Variants in FHOD3 observed in about 807,000 individuals in gnomAD.
FHOD3 encodes the protein FH1/FH2 domain-containing protein 3.
FHOD3 carries 90 observed loss-of-function variants against 173.0 expected under a neutral mutation model. That is an observed-to-expected ratio of 0.52 (90% CI 0.44 to 0.62). The LOEUF (loss-of-function observed/expected upper bound fraction) is 0.62. FHOD3 is among the 20% of genes least tolerant of loss of function. The pLI is 0.00. For missense variants in FHOD3, 1,945 were observed against 2,034.7 expected (o/e 0.96, Z 0.85); for synonymous variants, 828 against 823.0 (o/e 1.01, Z -0.10).
intron 1 of FHOD3, among the ~76,000 whole-genome samples, chr18:36,322,855 A>AGGAGTGG (rs2044470696): frequency 6.6e-6 from 1 of 151,764 alleles, no homozygotes; most frequent in African/African-American, 2.4e-5. Flanking sequence ...GCATTAATTC[A>AGGAGTGG]CTCACTCATT....
At chr18:36,618,174 A>G (rs1481149972) in intron 9 of FHOD3, among the ~76,000 whole-genome samples, 1 of 151,382 alleles carries the variant, frequency 6.6e-6, no homozygotes, top group Non-Finnish European at 1.5e-5. Flanking sequence ...TATTATCTTT[A>G]TAAATCCCTT....
chr18:36,599,097 G>A (rs1460624084), intron 7 of FHOD3, among the ~76,000 whole-genome samples: 3 of 152,164 alleles, frequency 2.0e-5, no homozygotes, highest in Non-Finnish European at 4.4e-5. Flanking sequence ...TTGCCATATT[G>A]GAGACTCCCT....
intron 1 of FHOD3, among the ~76,000 whole-genome samples, chr18:36,332,008 G>A (rs2045041889): frequency 6.6e-6 from 1 of 152,212 alleles, no homozygotes; most frequent in Non-Finnish European, 1.5e-5. Context: ...CCTTCTGGGT[G>A]TAAGGCTGAG....
intron 28 of FHOD3, among the ~76,000 whole-genome samples, chr18:36,772,136 A>G (rs2043413568): frequency 6.6e-6 from 1 of 152,198 alleles, no homozygotes; most frequent in Non-Finnish European, 1.5e-5. Flanking sequence ...AAACAGTCAT[A>G]TATTCTTTTT....
chr18:36,740,350 G>A (rs1205562733), intron 20 of FHOD3, among the ~76,000 whole-genome samples: 1 of 152,156 alleles, frequency 6.6e-6, no homozygotes, highest in Non-Finnish European at 1.5e-5. Flanking sequence ...GTGCTACAAA[G>A]CATATCTTTT....
At chr18:36,372,598 A>T in intron 2 of FHOD3, 82 bp from the exon 3 acceptor site, 1 of 1,190,576 alleles carries the variant, frequency 8.4e-7, no homozygotes, top group Non-Finnish European at 1.2e-6. Flanking sequence ...TGGGTATGTC[A>T]GAACCTTCAC....
chr18:36,331,309 G>A (rs1016797641), intron 1 of FHOD3, among the ~76,000 whole-genome samples: 1 of 152,182 alleles, frequency 6.6e-6, no homozygotes, highest in Admixed American at 6.5e-5. Context: ...AAAAGAACTG[G>A]ATTGCCAGAA....
At chr18:36,349,200 C>T (rs377372568) in intron 1 of FHOD3, among the ~76,000 whole-genome samples, 4 of 152,228 alleles carry the variant, frequency 2.6e-5, no homozygotes, top group African/African-American at 7.2e-5. Context: ...CAGCCAGGCC[C>T]GAGTCTTTCA....
intron 1 of FHOD3, among the ~76,000 whole-genome samples, chr18:36,306,217 A>C (rs2092092966): frequency 1.3e-5 from 2 of 152,226 alleles, no homozygotes; most frequent in South Asian, 4.1e-4. Flanking sequence ...GGACATTTGC[A>C]GTGTCCAAGT....
chr18:36,660,079 A>G (rs975500664), intron 14 of FHOD3, among the ~76,000 whole-genome samples: 24 of 152,096 alleles, frequency 1.6e-4, no homozygotes, highest in African/African-American at 4.8e-4. Flanking sequence ...GACCAGCCCA[A>G]CCAACATGGT....
intron 5 of FHOD3, among the ~76,000 whole-genome samples, chr18:36,568,463 C>T (rs1271146750): frequency 2.7e-5 from 4 of 150,640 alleles, no homozygotes; most frequent in Non-Finnish European, 3.0e-5. Flanking sequence ...AACCCCTGGG[C>T]TCCACACACG....
intron 10 of FHOD3, among the ~76,000 whole-genome samples, chr18:36,641,766 G>T (rs1161664085): frequency 6.6e-6 from 1 of 152,048 alleles, no homozygotes; most frequent in Non-Finnish European, 1.5e-5. Context: ...GACCAGCCTG[G>T]CCAACATGGT....
Position 36,417,627 on chromosome 18 carries a change from A to G in FHOD3, c.337+44883A>G, listed in dbSNP as rs113105323. Among the ~76,000 whole-genome samples the G allele has an allele frequency of 5.1e-3, 778 of 152,304 alleles. 4 individuals carry two copies. The highest frequency in any genetic ancestry group is 0.018 in the African/African-American group (746 of 41,556). ...AATGGTAGGAAATCAGAATATATATATGTGGCTTTATTTCATGAGATCATA... is the reference window on the plus strand; with the variant it reads ...AATGGTAGGAAATCAGAATATATATGTGTGGCTTTATTTCATGAGATCATA... On this transcript the variant is annotated intron_variant, in intron 3 of 28. Coordinates refer to ENST00000590592, the MANE Select transcript of FHOD3 (RefSeq NM_001281740.3).
chr18:36,457,369 G>A (rs2052278893), intron 3 of FHOD3, among the ~76,000 whole-genome samples: 1 of 152,180 alleles, frequency 6.6e-6, no homozygotes, highest in Middle Eastern at 3.2e-3. Flanking sequence ...CCTGGTGAAA[G>A]TGGCAGCCAT....
At chr18:36,501,022 T>C (rs920986361) in intron 3 of FHOD3, among the ~76,000 whole-genome samples, 1 of 152,184 alleles carries the variant, frequency 6.6e-6, no homozygotes, top group Non-Finnish European at 1.5e-5. Context: ...TCTGGCCAGC[T>C]AGTAATTGTG....
intron 7 of FHOD3, among the ~76,000 whole-genome samples, chr18:36,598,550 T>C (rs2030853374): frequency 2.1e-5 from 3 of 141,704 alleles, no homozygotes; most frequent in African/African-American, 7.5e-5. Flanking sequence ...AGGAAATTTG[T>C]TTTTAAATTT....
chr18:36,635,483 T>TG (rs1296019691), intron 10 of FHOD3, among the ~76,000 whole-genome samples: 3 of 152,106 alleles, frequency 2.0e-5, no homozygotes, highest in African/African-American at 7.2e-5. Flanking sequence ...AAGAGATTGG[T>TG]GCAGGGCTTT....
intron 9 of FHOD3, among the ~76,000 whole-genome samples, chr18:36,615,236 C>A (rs1417738543): frequency 6.6e-6 from 1 of 152,038 alleles, no homozygotes; most frequent in African/African-American, 2.4e-5. Flanking sequence ...AAAATATTTT[C>A]TCTCATTCTA....
chr18:36,751,561 G>T (rs866621041), intron 24 of FHOD3, among the ~76,000 whole-genome samples: 10 of 152,064 alleles, frequency 6.6e-5, no homozygotes, highest in Admixed American at 6.6e-5. Context: ...GTTTTCAAGG[G>T]GAATGCTTCT....
Sources: allele counts gnomAD v4.1 joint callset (sites outside exome capture counted in the v4.1 genomes callset), GRCh38; gene constraint gnomAD v4.1.1; transcripts MANE v1.5; gene names NCBI Gene and HGNC (gene_info 2026-07-23, HGNC 2026-07-21).